The following WWOX variants were observed in gnomAD, a reference collection of about 807,000 sequenced individuals.
WWOX encodes the protein WW domain containing oxidoreductase, also known as WW domain-containing oxidoreductase.
Under a neutral mutation model 46.2 loss-of-function variants are expected in WWOX, and 69 were observed. The observed-to-expected ratio is 1.49, with a 90% CI of 1.23 to 1.82. The LOEUF is 1.82. Ranked by LOEUF, WWOX falls within the 40% of genes most tolerant of loss-of-function variation. WWOX has a pLI of 0.00. For missense variants in WWOX, 919 were observed against 542.6 expected (o/e 1.69, Z -6.89); for synonymous variants, 359 against 202.6 (o/e 1.77, Z -6.56).
intron 7 of WWOX, 90 bp from the exon 8 acceptor site, chr16:78,432,398 A>G: frequency 1.3e-6 from 2 of 1,548,872 alleles, no homozygotes; most frequent in Non-Finnish European, 8.8e-7. Context: ...GAGCCACTGC[A>G]CCCAGCATTC....
At chr16:79,059,623 T>C (rs778385753) in intron 8 of WWOX, among the ~76,000 whole-genome samples, 1 of 152,216 alleles carries the variant, frequency 6.6e-6, no homozygotes, top group Non-Finnish European at 1.5e-5. Context: ...GCCTCCCAAG[T>C]AGCTGGGATT....
At chr16:78,295,717 C>A (rs748832131) in intron 5 of WWOX, among the ~76,000 whole-genome samples, 2 of 74,378 alleles carry the variant, frequency 2.7e-5, no homozygotes, top group African/African-American at 6.1e-5. Context: ...TCTTAAAAAA[C>A]AAACAAACAA....
chr16:78,280,271 T>C (rs941624982), intron 5 of WWOX, among the ~76,000 whole-genome samples: 3 of 152,266 alleles, frequency 2.0e-5, no homozygotes, highest in Admixed American at 1.3e-4. Flanking sequence ...GCTGACGTTA[T>C]ATATAAATAT....
At chr16:79,040,022 C>G (rs2047940527) in intron 8 of WWOX, among the ~76,000 whole-genome samples, 1 of 152,240 alleles carries the variant, frequency 6.6e-6, no homozygotes, top group East Asian at 1.9e-4. Context: ...CAGTTGTGTG[C>G]CCTTGGGCAA....
intron 8 of WWOX, among the ~76,000 whole-genome samples, chr16:78,925,004 G>T (rs1301955773): frequency 1.3e-5 from 2 of 152,110 alleles, no homozygotes; most frequent in African/African-American, 4.8e-5. Flanking sequence ...AGACCAGCCT[G>T]GGCAACATGG....
chr16:78,744,373 A>G (rs1196453789), intron 8 of WWOX, among the ~76,000 whole-genome samples: 6 of 150,936 alleles, frequency 4.0e-5, no homozygotes, highest in Non-Finnish European at 8.8e-5. Context: ...CATTATATGC[A>G]GAAGACGCTT....
At chr16:79,036,415 C>G (rs1033037163) in intron 8 of WWOX, among the ~76,000 whole-genome samples, 1 of 152,204 alleles carries the variant, frequency 6.6e-6, no homozygotes, top group African/African-American at 2.4e-5. Flanking sequence ...AATTATTGCC[C>G]GTTGACCTCC....
chr16:78,912,036 C>G (rs993611357), intron 8 of WWOX, among the ~76,000 whole-genome samples: 5 of 152,012 alleles, frequency 3.3e-5, no homozygotes, highest in African/African-American at 4.8e-5. Flanking sequence ...GCCTCCAGGG[C>G]AAAGCTACCT....
chr16:78,444,180 CGTGCCGGGCTCT>C (rs1182541946), intron 8 of WWOX, among the ~76,000 whole-genome samples: 1 of 152,140 alleles, frequency 6.6e-6, no homozygotes, highest in Non-Finnish European at 1.5e-5. Context: ...TTCCCAGCTC[CGTGCCGGGCTCT>C]GTGGTCATGG....
At chr16:78,415,514 C>T (rs2082779247) in intron 6 of WWOX, among the ~76,000 whole-genome samples, 1 of 152,108 alleles carries the variant, frequency 6.6e-6, no homozygotes, top group Non-Finnish European at 1.5e-5. Flanking sequence ...TTACCCAGCC[C>T]CTATTCAAAA....
At chr16:78,595,399 C>A (rs912717232) in intron 8 of WWOX, among the ~76,000 whole-genome samples, 1 of 48,944 alleles carries the variant, frequency 2.0e-5, no homozygotes, top group African/African-American at 3.6e-5. Flanking sequence ...CACAAGACTC[C>A]TGCCTCCCTG....
At chr16:78,481,155 T>C (rs1437092521) in intron 8 of WWOX, among the ~76,000 whole-genome samples, 1 of 152,216 alleles carries the variant, frequency 6.6e-6, no homozygotes, top group East Asian at 1.9e-4. Flanking sequence ...CTGGAGGTAG[T>C]AGCTAATAGA....
chr16:78,662,719 G>A (rs7192686), intron 8 of WWOX, among the ~76,000 whole-genome samples: 6,396 of 152,260 alleles, frequency 0.042, 470 homozygotes, highest in African/African-American at 0.15. Context: ...ATTGAGGGTG[G>A]TCATTGACTG....
intron 8 of WWOX, among the ~76,000 whole-genome samples, chr16:79,190,686 C>G (rs921534954): frequency 6.6e-6 from 1 of 152,184 alleles, no homozygotes; most frequent in Admixed American, 6.5e-5. Context: ...AGGGCTCTGC[C>G]AACTACAGTT....
intron 8 of WWOX, among the ~76,000 whole-genome samples, chr16:78,789,495 C>G (rs950093218): frequency 4.6e-5 from 7 of 152,066 alleles, no homozygotes; most frequent in African/African-American, 1.7e-4. Context: ...TGAATTATAT[C>G]CCATTGATCT....
chr16:79,013,532 A>G lies in WWOX; in HGVS notation c.1057-198076A>G, dbSNP rs937514493. 2.0e-5 allele frequency among the ~76,000 whole-genome samples: 3 copies of G among 152,250 alleles called. No individual in the cohort carries two copies. In the South Asian group the frequency reaches 6.2e-4, roughly 32 times the overall value. On this transcript the variant is annotated intron_variant, in intron 8 of 8. Transcript: ENST00000566780. The stretch of plus-strand genomic sequence containing the variant: ...CAAAGCTCAGGCGTGTGCAACAGGG[A>G]CAGCAAAAGCACACACAATGATGGC...
At chr16:78,314,889 T>C (rs2080329995) in intron 5 of WWOX, among the ~76,000 whole-genome samples, 1 of 152,014 alleles carries the variant, frequency 6.6e-6, no homozygotes, top group African/African-American at 2.4e-5. Flanking sequence ...ATCTCAGTTT[T>C]TCCAGCAACC....
intron 8 of WWOX, among the ~76,000 whole-genome samples, chr16:78,573,316 G>C (rs896247667): frequency 6.6e-5 from 10 of 152,150 alleles, no homozygotes; most frequent in Admixed American, 6.5e-5. Flanking sequence ...AACAAAAAAG[G>C]TTTAAGAAAT....
intron 8 of WWOX, chr16:78,825,552 G>T: frequency 3.8e-6 from 2 of 529,660 alleles, no homozygotes; most frequent in Non-Finnish European, 3.8e-6. Context: ...TGAAAAGGTG[G>T]CCCCAGAGGT....
Sources: gnomAD v4.1 joint callset for allele counts (sites outside exome capture counted in the v4.1 genomes callset) on GRCh38, gnomAD v4.1.1 for gene constraint, MANE v1.5 for transcripts, NCBI Gene and HGNC (gene_info 2026-07-23, HGNC 2026-07-21) for gene names.